MYL3: variants seen among roughly 807,000 people sequenced by gnomAD.
MYL3 encodes myosin light chain 3, also known as CMLC1.
MYL3 carries 11 observed loss-of-function variants against 21.3 expected under a neutral mutation model. That is an observed-to-expected ratio of 0.52 (90% confidence interval 0.32 to 0.85). The LOEUF (loss-of-function observed/expected upper bound fraction) is 0.85, where lower values mean the gene tolerates loss of function less well. Ranked by LOEUF, MYL3 falls within the 40% of genes least tolerant of loss-of-function variation. MYL3 has a pLI of 0.03. For missense variants in MYL3, 206 were observed against 253.3 expected, an observed-to-expected ratio of 0.81 and a Z score of 1.27; for synonymous variants, 88 against 91.6, an observed-to-expected ratio of 0.96 and a Z score of 0.22.
At position 46,861,461 on chromosome 3, in the gene MYL3, G is replaced by T. The variant is rs1240448111; in HGVS notation, c.130-474C>A. Among the ~76,000 whole-genome samples the T allele has an allele frequency of 6.6e-6, 1 of 152,174 alleles. No homozygotes were observed. The highest frequency in any genetic ancestry group is 1.5e-5 in the Non-Finnish European group (1 of 68,020). The stretch of plus-strand genomic sequence containing the variant: ...GGTACAGGCCGAGGGCTGGTGGCTG[G>T]AAGCATCGAGGGTGAGCACAAGTGT... On this transcript the variant is annotated intron_variant, in intron 1 of 6. Transcript: ENST00000292327. The surrounding 1 kb of genome is among the most constrained non-coding windows in gnomAD (Gnocchi z 4.2).
rs550136735 is a variant in MYL3 at position 46,861,333 on chromosome 3, C to A, written c.130-346G>T. 5.5e-4 allele frequency among the ~76,000 whole-genome samples: 84 copies of A among 152,356 alleles called. No homozygotes were observed. Among genetic ancestry groups the A allele is most frequent in the African/African-American group, 1.8e-3 (74 of 41,586 alleles). On this transcript the variant is annotated intron_variant, in intron 1 of 6. Coordinates refer to ENST00000292327, the MANE Select transcript of MYL3 (RefSeq NM_000258.3). The surrounding 1 kb of genome is among the most constrained non-coding windows in gnomAD (Gnocchi z 4.2). ...CGGTTCTGGACAGATGTACCTTAAG[C>A]CACAAGCCCCAGTCAGGCTGGCTTT...
chr3:46,869,128 A>G lies in MYL3; in HGVS notation c.-217-2528T>C, dbSNP rs2385860. Among the ~76,000 whole-genome samples, 39 of 151,960 alleles carry G rather than the reference A, an allele frequency of 2.6e-4. No homozygotes were observed. The South Asian group carries it at 5.8e-3, about 23-fold the overall frequency. Reference sequence around the variant, plus strand: ...GGACAGGGGCCCGGCCCCTCCCCCCACAGCATGGCCTGTGGCCTCCCTGAA... The same window carrying G: ...GGACAGGGGCCCGGCCCCTCCCCCCGCAGCATGGCCTGTGGCCTCCCTGAA... On this transcript the variant is annotated intron_variant, in intron 1 of 3. Transcript: ENST00000431168.
intron 1 of MYL3, among the ~76,000 whole-genome samples, chr3:46,862,282 C>A (rs1702000199): frequency 1.3e-5 from 2 of 152,194 alleles, no homozygotes; most frequent in Non-Finnish European, 2.9e-5. Context: ...TGGTTCCCAG[C>A]AGCCCTGCAA....
At position 46,880,751 on chromosome 3, in the gene MYL3, G is replaced by A. The variant is rs549741092; in HGVS notation, c.-218+1323C>T. 3.5e-5 allele frequency among the ~76,000 whole-genome samples: 5 copies of A among 143,054 alleles called. No homozygotes were observed. The South Asian group carries it at 1.0e-3, about 30-fold the overall frequency. 93.8% of individuals were successfully genotyped at this position (143,054 alleles called of 152,430 possible). ...TGAAGAAGAAGAAGAAGGAGAAGGAGAAGAAAGAAGAAGAAAGTAGCAGCA... is the reference window on the plus strand; with the variant it reads ...TGAAGAAGAAGAAGAAGGAGAAGGAAAAGAAAGAAGAAGAAAGTAGCAGCA... On this transcript the variant is annotated intron_variant, in intron 1 of 3. Transcript: ENST00000431168.
chr3:46,877,476 G>A (rs992181848), intron 1 of MYL3, among the ~76,000 whole-genome samples: 12 of 152,210 alleles, frequency 7.9e-5, no homozygotes, highest in African/African-American at 2.9e-4. Flanking sequence ...GAGGACTATT[G>A]AGGCACACAC....
rs995524256 is a variant in MYL3 at position 46,860,529 on chromosome 3, T to C, written c.307+147A>G. 6.1e-6 allele frequency: 7 copies of C among 1,142,770 alleles called. No homozygotes were observed. Among genetic ancestry groups the C allele is most frequent in the African/African-American group, 3.1e-5 (2 of 64,636 alleles). 70.8% of individuals were successfully genotyped at this position (1,142,770 alleles called of 1,614,324 possible). A position where few individuals can be genotyped will look rare whatever the true frequency, so the allele number is the denominator to read the frequency against. ...ATTACTGCATGTCACCTGGTCGGCATGGCCCTGTGACTGGCCTCGGTGCCC... is the reference window on the plus strand; with the variant it reads ...ATTACTGCATGTCACCTGGTCGGCACGGCCCTGTGACTGGCCTCGGTGCCC... On this transcript the variant is annotated intron_variant, in intron 3 of 6. Transcript: ENST00000292327. This position sits in a 1 kb window ranked among gnomAD's most constrained non-coding sequence, Gnocchi z 4.6.
chr3:46,876,017 C>T (rs1300439389), intron 1 of MYL3, among the ~76,000 whole-genome samples: 5 of 152,248 alleles, frequency 3.3e-5, no homozygotes, highest in Admixed American at 6.5e-5. Flanking sequence ...ACAGGAGGAA[C>T]GCAAACTGGC....
At position 46,859,362 on chromosome 3, in the gene MYL3, A is replaced by C. The variant is rs190140542; in HGVS notation, c.481+113T>G. ...TGTTGTCTGCCATTGAGGCTCCCTA[A>C]TTATGTAACTCTCTCCATTTCACCA... On this transcript the variant is annotated intron_variant, in intron 4 of 6. Coordinates refer to ENST00000292327, the MANE Select transcript of MYL3 (RefSeq NM_000258.3). The surrounding 1 kb of genome is among the most constrained non-coding windows in gnomAD (Gnocchi z 4.1). 7 of 1,385,132 alleles carry C rather than the reference A, an allele frequency of 5.1e-6. No individual in the cohort carries two copies. In the Admixed American group the frequency reaches 7.0e-5, roughly 14 times the overall value. The allele number at this position is 1,385,132 out of a possible 1,614,324, so 85.8% of individuals were successfully genotyped here.
intron 1 of MYL3, among the ~76,000 whole-genome samples, chr3:46,877,376 C>T (rs2030284642): frequency 6.6e-6 from 1 of 152,196 alleles, no homozygotes; most frequent in Non-Finnish European, 1.5e-5. Context: ...GTTCATACCT[C>T]GTGGCAGCCT....
At chr3:46,863,682 T>C (rs142106468), upstream of MYL3, among the ~76,000 whole-genome samples, 4,014 of 152,206 alleles carry the variant, frequency 0.026, 93 homozygotes, top group South Asian at 0.1. Flanking sequence ...AGGCCACTGC[T>C]TAACACACAC....
Position 46,858,278 on chromosome 3 carries a change from AAGAAG to A in MYL3, c.560-11_560-7del. On this transcript the variant is annotated splice_region_variant and splice_polypyrimidine_tract_variant and intron_variant, in intron 5 of 6. Transcript: ENST00000292327. ...CATGATGTGCTTCACAAATGCTGGA[AAGAAG>A]AGGAGAGTGAGTGGCAGGAGTGCAA... is the stretch of plus-strand genomic sequence containing the variant. 1.2e-6 allele frequency: 2 copies of A among 1,614,180 alleles called. No homozygotes were observed. Among genetic ancestry groups the A allele is most frequent in the Non-Finnish European group, 1.7e-6 (2 of 1,180,030 alleles).
At position 46,857,909 on chromosome 3, in the gene MYL3, T is replaced by G; in HGVS notation, c.*206A>C. ...AGAAGCCATTTATTCATGAGGCCCA[T>G]GGGGTGGGGACAGAGCTGCTGTCAC... is the stretch of plus-strand genomic sequence containing the variant. On this transcript the variant is annotated 3_prime_UTR_variant, in exon 7 of 7. Transcript: ENST00000292327. The surrounding 1 kb of genome is among the most constrained non-coding windows in gnomAD (Gnocchi z 5.0). 1 of 440,718 alleles carries G rather than the reference T, an allele frequency of 2.3e-6. No individual in the cohort carries two copies. Among genetic ancestry groups the G allele is most frequent in the Non-Finnish European group, 4.1e-6 (1 of 241,176 alleles). The allele number at this position is 440,718 out of a possible 1,614,324, so 27.3% of individuals were successfully genotyped here. A position where few individuals can be genotyped will look rare whatever the true frequency, so the allele number is the denominator to read the frequency against.
At chr3:46,877,168 G>T (rs540899235) in intron 1 of MYL3, among the ~76,000 whole-genome samples, 7 of 152,240 alleles carry the variant, frequency 4.6e-5, no homozygotes, top group African/African-American at 1.4e-4. Flanking sequence ...GGGCTGTAGG[G>T]GTCAGGACAC....
At position 46,859,249 on chromosome 3, in the gene MYL3, G is replaced by A. The variant is rs1443366376; in HGVS notation, c.481+226C>T. ...GAGCATATCAAGACGGCTCCTTCCT[G>A]CCCTGCTCTGTCCCCAGAGCTGATG... is the stretch of plus-strand genomic sequence containing the variant. On this transcript the variant is annotated intron_variant, in intron 4 of 6. Coordinates refer to ENST00000292327, the MANE Select transcript of MYL3 (RefSeq NM_000258.3). This position sits in a 1 kb window ranked among gnomAD's most constrained non-coding sequence, Gnocchi z 4.1. Among the ~76,000 whole-genome samples the A allele has an allele frequency of 1.3e-5, 2 of 152,146 alleles. No individual in the cohort carries two copies. The highest frequency in any genetic ancestry group is 2.9e-5 in the Non-Finnish European group (2 of 68,022).
At chr3:46,862,815 G>A (rs1475493033) in intron 1 of MYL3, among the ~76,000 whole-genome samples, 1 of 152,234 alleles carries the variant, frequency 6.6e-6, no homozygotes. Context: ...GACCCAGCCT[G>A]GACAGGGGCC....
chr3:46,858,351 C>T (rs780617884), intron 5 of MYL3, 33 bp downstream of exon 5: 2 of 1,614,124 alleles, frequency 1.2e-6, no homozygotes, highest in Non-Finnish European at 1.7e-6. Context: ...CAGCACTCCC[C>T]TCCCAGAAGA....
chr3:46,862,057 C>G (rs1701998454), intron 1 of MYL3, among the ~76,000 whole-genome samples: 1 of 152,128 alleles, frequency 6.6e-6, no homozygotes, highest in Non-Finnish European at 1.5e-5. Context: ...GGCAAAGGCT[C>G]CCTGCCCTTT....
chr3:46,878,186 G>A (rs1360156787), intron 1 of MYL3, among the ~76,000 whole-genome samples: 1 of 152,214 alleles, frequency 6.6e-6, no homozygotes, highest in African/African-American at 2.4e-5. Context: ...CAAGGGAAGG[G>A]GGCTACCCAG....
intron 1 of MYL3, among the ~76,000 whole-genome samples, chr3:46,870,730 T>C (rs1382516499): frequency 6.6e-6 from 1 of 152,154 alleles, no homozygotes; most frequent in African/African-American, 2.4e-5. Flanking sequence ...AACCCACCCC[T>C]GATGTGTGTC....
Sources: allele counts gnomAD v4.1 joint callset (sites outside exome capture counted in the v4.1 genomes callset), GRCh38; gene constraint gnomAD v4.1.1; non-coding constraint Gnocchi (gnomAD v3.1); transcripts MANE v1.5; gene names NCBI Gene and HGNC (gene_info 2026-07-23, HGNC 2026-07-21).